Variants in TRIM77 observed in about 807,000 individuals in gnomAD.
The protein encoded by TRIM77 is tripartite motif-containing protein 77.
In TRIM77, 23 loss-of-function variants were observed where a neutral mutation model predicts 31.8. The observed-to-expected ratio is 0.72, with a 90% confidence interval of 0.52 to 1.02. The LOEUF is 1.02. Among genes scored for constraint, TRIM77 ranks in the 50% least tolerant of loss-of-function variants. The probability of loss-of-function intolerance (pLI) is 0.00; values close to 1 mark genes in which losing one functional copy is unlikely to be tolerated. For synonymous variants in TRIM77, 159 were observed against 183.1 expected (o/e 0.87, Z 1.06); for missense variants, 446 against 539.2 (o/e 0.83, Z 1.71).
chr11:89,710,780 A>G, intron 1 of TRIM77, 71 bp downstream of exon 1: 6 of 1,202,632 alleles, frequency 5.0e-6, no homozygotes, highest in Non-Finnish European at 6.8e-6. Flanking sequence ...ACGGAAAGAT[A>G]TACTTATCAT....
intron 3 of TRIM77, 48 bp from the exon 4 acceptor site, chr11:89,715,110 G>C (rs774433840): frequency 2.9e-5 from 45 of 1,543,120 alleles, no homozygotes; most frequent in Non-Finnish European, 3.9e-5. Context: ...GATATATTGA[G>C]AGAACCATGT....
intron 3 of TRIM77, 141 bp from the exon 4 acceptor site, chr11:89,715,011 AGAAAAT>A: frequency 1.4e-6 from 1 of 696,786 alleles, no homozygotes; most frequent in South Asian, 2.6e-5. Context: ...ATAAAGAAAA[AGAAAAT>A]GAAAAATGCC....
At position 89,717,816 on chromosome 11, in the gene TRIM77, C is replaced by G. The variant is rs751080390; in HGVS notation, c.1297C>G (p.Leu433Val). The change falls in exon 6 of 6, where the codon CTC becomes GTC. Residue 433 changes from leucine (L) to valine (V), a missense_variant. Physicochemically the swap from Leu to Val is conservative, Grantham distance 32. Coordinates refer to ENST00000398290, the MANE Select transcript of TRIM77 (RefSeq NM_001146162.1). ...VAQSSLICSF[L>V]SRIFYFPLRP... The stretch of plus-strand genomic sequence containing the variant: ...CCAAAGTTCCCTCATTTGTAGTTTC[C>G]TCTCACGCATCTTCTATTTTCCTCT... The G allele has an allele frequency of 4.6e-5, 71 of 1,550,290 alleles. No homozygotes were observed. The highest frequency in any genetic ancestry group is 6.1e-5 in the Non-Finnish European group (70 of 1,146,288).
chr11:89,714,067 G>GA (rs1949143522), intron 2 of TRIM77, 125 bp from the exon 3 acceptor site: 2 of 645,738 alleles, frequency 3.1e-6, no homozygotes, highest in Admixed American at 3.2e-5. Flanking sequence ...TACTGTATTT[G>GA]AAGTGGAAAA....
At chr11:89,715,266 GAATTTCT>G in intron 4 of TRIM77, 86 bp downstream of exon 4, 1 of 1,233,266 alleles carries the variant, frequency 8.1e-7, no homozygotes, top group Non-Finnish European at 1.2e-6. Flanking sequence ...TTTTAGTGAG[GAATTTCT>G]GTCTGTATTT....
chr11:89,716,064 T>A, intron 5 of TRIM77, 77 bp downstream of exon 5: 3 of 798,952 alleles, frequency 3.8e-6, no homozygotes, highest in Non-Finnish European at 5.8e-6. Context: ...TTAGTCTATA[T>A]TCACTTCTCT....
chr11:89,712,461 A>T (rs1949128867), intron 2 of TRIM77, among the ~76,000 whole-genome samples: 1 of 152,186 alleles, frequency 6.6e-6, no homozygotes, highest in Admixed American at 6.5e-5. Context: ...TTTATAATAA[A>T]TAATGTTCGT....
At chr11:89,714,114 G>A in intron 2 of TRIM77, 78 bp from the exon 3 acceptor site, 1 of 951,374 alleles carries the variant, frequency 1.1e-6, no homozygotes, top group South Asian at 1.7e-5. Flanking sequence ...CACAAAACAT[G>A]AAACAAAGCA....
At chr11:89,713,614 A>G (rs1338369406) in intron 2 of TRIM77, among the ~76,000 whole-genome samples, 5 of 151,962 alleles carry the variant, frequency 3.3e-5, no homozygotes, top group African/African-American at 1.2e-4. Flanking sequence ...TGGAGCCAGA[A>G]AGAGAGAGTA....
At chr11:89,714,652 A>G (rs1336291512) in intron 3 of TRIM77, among the ~76,000 whole-genome samples, 1 of 152,206 alleles carries the variant, frequency 6.6e-6, no homozygotes, top group South Asian at 2.1e-4. Context: ...TAACAAATTC[A>G]GGAAAATTCT....
Position 89,717,750 on chromosome 11 carries a change from C to T in TRIM77, c.1231C>T (p.Leu411=). The T allele has an allele frequency of 6.4e-7, 1 of 1,551,280 alleles. No individual in the cohort carries two copies. The part of the protein sequence containing the change: ...PRPQGWLGVF[L]DYECGIVSFV... ...GCCCCAAGGCTGGCTAGGGGTGTTC[C>T]TGGATTATGAATGTGGGATAGTGAG... Residue 411 remains leucine (L), a synonymous_variant, in exon 6 of 6, where the codon CTG becomes TTG. Transcript: ENST00000398290.
chr11:89,710,432 A>G lies in TRIM77; in HGVS notation c.134A>G (p.Asp45Gly). 1 of 1,551,838 alleles carries G rather than the reference A, an allele frequency of 6.4e-7. No homozygotes were observed. The highest frequency in any genetic ancestry group is 8.7e-7 in the Non-Finnish European group (1 of 1,147,008). Residue 45 changes from aspartate to glycine, a missense_variant, in exon 1 of 6, where the codon GAT (aspartate) becomes GGT (glycine). Physicochemically the swap from Asp to Gly is moderately conservative, Grantham distance 94. Around this residue, in one of 3 missense-constraint regions of TRIM77, gnomAD observed 72 missense variants for 64.7 expected, o/e 1.11. Coordinates refer to ENST00000398290, the MANE Select transcript of TRIM77 (RefSeq NM_001146162.1). The stretch of plus-strand genomic sequence containing the variant: ...CCCTGTCTCTGCCTCTTGTGGGAAG[A>G]TACACTAACTCCTAATTGCTGCCCT... ...CSPCLCLLWE[D>G]TLTPNCCPVC...
chr11:89,712,518 C>T (rs1949129276), intron 2 of TRIM77, among the ~76,000 whole-genome samples: 1 of 151,982 alleles, frequency 6.6e-6, no homozygotes, highest in South Asian at 2.1e-4. Context: ...ACAAAGAATC[C>T]AGGTTTGTAG....
At chr11:89,714,595 T>C (rs1294438717) in intron 3 of TRIM77, among the ~76,000 whole-genome samples, 173 bp downstream of exon 3, 1 of 152,196 alleles carries the variant, frequency 6.6e-6, no homozygotes, top group Non-Finnish European at 1.5e-5. Context: ...GGTCTCACTC[T>C]TTCTTGTCCC....
In TRIM77 at chr11:89,713,275, CAAAAAA is replaced by C. The variant is rs1185402054; in HGVS notation, c.508-899_508-894del. 5.0e-4 allele frequency among the ~76,000 whole-genome samples: 21 copies of C among 42,222 alleles called. 1 individual carries two copies. The East Asian group carries it at 9.7e-3, about 19-fold the overall frequency. The allele number at this position is 42,222 out of a possible 152,430, so 27.7% of individuals were successfully genotyped here. ...TGGGTGACAGAGGGAGACTCCGTCT[CAAAAAA>C]AAAAAAAAAAAAAAAAAGTAATTGA... On this transcript the variant is annotated intron_variant, in intron 2 of 5. Transcript: ENST00000398290.
intron 2 of TRIM77, 76 bp from the exon 3 acceptor site, chr11:89,714,116 A>C (rs2134545519): frequency 1.0e-6 from 1 of 971,806 alleles, no homozygotes; most frequent in Non-Finnish European, 1.5e-6. Flanking sequence ...CAAAACATGA[A>C]ACAAAGCAGA....
rs776812665 is a variant in TRIM77 at position 89,711,522 on chromosome 11, T to G, written c.507+17T>G. On this transcript the variant is annotated intron_variant, in intron 2 of 5. Transcript: ENST00000398290. ...ACATGGGAAGTAAGCAGTAAGCTCA[T>G]TTCTCTCAGAACCAGTTTGGAATAG... is the stretch of plus-strand genomic sequence containing the variant. 3 of 1,393,066 alleles carry G rather than the reference T, an allele frequency of 2.2e-6. No homozygotes were observed. The East Asian group carries it at 7.7e-5, about 36-fold the overall frequency. The allele number at this position is 1,393,066 out of a possible 1,614,324, so 86.3% of individuals were successfully genotyped here.
In TRIM77 at chr11:89,716,007, T is replaced by A. The variant is rs189154059; in HGVS notation, c.859+20T>A. 1 of 1,455,020 alleles carries A rather than the reference T, an allele frequency of 6.9e-7. No individual in the cohort carries two copies. Among genetic ancestry groups the A allele is most frequent in the East Asian group, 2.5e-5 (1 of 39,996 alleles). 90.1% of individuals were successfully genotyped at this position (1,455,020 alleles called of 1,614,324 possible). A position where few individuals can be genotyped will look rare whatever the true frequency, so the allele number is the denominator to read the frequency against. On this transcript the variant is annotated intron_variant, in intron 5 of 5. Coordinates refer to ENST00000398290, the MANE Select transcript of TRIM77 (RefSeq NM_001146162.1). ...TCAGAGGTAAGAGTGTGAACTGCAC[T>A]AATGTTTCCAACGTAAGTATTTTTA... is the stretch of plus-strand genomic sequence containing the variant.
At chr11:89,716,957 A>G (rs1949165279) in intron 5 of TRIM77, among the ~76,000 whole-genome samples, 1 of 151,506 alleles carries the variant, frequency 6.6e-6, no homozygotes, top group African/African-American at 2.4e-5. Context: ...AGTCTAGTAA[A>G]AATTAAATCA....
Sources: allele counts gnomAD v4.1 joint callset (sites outside exome capture counted in the v4.1 genomes callset), GRCh38; gene constraint gnomAD v4.1.1; regional missense constraint gnomAD v4.1.1; transcripts MANE v1.5; gene names NCBI Gene and HGNC (gene_info 2026-07-23, HGNC 2026-07-21).